The following HECW2 variants were observed in gnomAD, a reference collection of about 807,000 sequenced individuals.
The protein encoded by HECW2 is HECT, C2 and WW domain containing E3 ubiquitin protein ligase 2.
Under a neutral mutation model 175.2 loss-of-function variants are expected in HECW2, and 61 were observed. That is an observed-to-expected ratio of 0.35 (90% CI 0.28 to 0.43). The LOEUF is 0.43. HECW2 is among the 20% of genes least tolerant of loss of function. The probability of loss-of-function intolerance (pLI) is 1.00; values close to 1 mark genes in which losing one functional copy is unlikely to be tolerated. For synonymous variants in HECW2, 671 were observed against 731.0 expected (o/e 0.92, Z 1.32); for missense variants, 1,524 against 2,000.5 (o/e 0.76, Z 4.54).
chr2:196,526,395 G>T (rs926435119), intron 1 of HECW2, among the ~76,000 whole-genome samples: 1 of 146,116 alleles, frequency 6.8e-6, no homozygotes, highest in African/African-American at 2.6e-5. Context: ...TTTTTTCAAA[G>T]TTTTCAACTT....
chr2:196,264,531 T>A (rs531315461), intron 17 of HECW2, among the ~76,000 whole-genome samples: 1 of 152,230 alleles, frequency 6.6e-6, no homozygotes, highest in Non-Finnish European at 1.5e-5. Flanking sequence ...ATGTATAATT[T>A]GGGGAATCTT....
chr2:196,560,884 C>T (rs1476865885), intron 1 of HECW2, among the ~76,000 whole-genome samples: 1 of 152,186 alleles, frequency 6.6e-6, no homozygotes, highest in African/African-American at 2.4e-5. Context: ...CTGTCATCTT[C>T]GTAAGCTGAG....
At chr2:196,491,229 TG>T (rs767170132) in intron 1 of HECW2, among the ~76,000 whole-genome samples, 2 of 152,044 alleles carry the variant, frequency 1.3e-5, no homozygotes, top group African/African-American at 2.4e-5. Context: ...GCGGGTGCAG[TG>T]GCTCACACCT....
rs186046191 is a variant in HECW2 at position 196,505,309 on chromosome 2, C to A, written c.-35-71851G>T. 6.6e-5 allele frequency among the ~76,000 whole-genome samples: 10 copies of A among 152,196 alleles called. No homozygotes were observed. The South Asian group carries it at 1.9e-3, about 28-fold the overall frequency. The stretch of plus-strand genomic sequence containing the variant: ...ATCCCAGCACTTTGGGAAGCTGAGG[C>A]GGGTGGATCACCTGAGGTCAAGAGA... On this transcript the variant is annotated intron_variant, in intron 1 of 28. Transcript: ENST00000644978.
chr2:196,212,498 C>T (rs1415772075), intron 28 of HECW2, among the ~76,000 whole-genome samples: 1 of 152,128 alleles, frequency 6.6e-6, no homozygotes, highest in East Asian at 1.9e-4. Flanking sequence ...CCTCCAGCTC[C>T]ATCCAGGTTC....
chr2:196,570,921 T>C (rs10188829), intron 1 of HECW2, among the ~76,000 whole-genome samples: 5,472 of 152,278 alleles, frequency 0.036, 332 homozygotes, highest in African/African-American at 0.12. Flanking sequence ...TGTTACCTGC[T>C]TGTGCAGTGC....
intron 1 of HECW2, among the ~76,000 whole-genome samples, chr2:196,506,409 A>G (rs1406814950): frequency 6.6e-6 from 1 of 152,130 alleles, no homozygotes; most frequent in Non-Finnish European, 1.5e-5. Context: ...AACGAAACTA[A>G]TTTTACCAGC....
chr2:196,486,959 C>T (rs531331549), intron 1 of HECW2, among the ~76,000 whole-genome samples: 2 of 151,856 alleles, frequency 1.3e-5, no homozygotes, highest in African/African-American at 2.4e-5. Flanking sequence ...CATAGTGAGA[C>T]GCTGTCACTA....
At chr2:196,500,055 A>G (rs1687523696) in intron 1 of HECW2, among the ~76,000 whole-genome samples, 1 of 152,182 alleles carries the variant, frequency 6.6e-6, no homozygotes, top group South Asian at 2.1e-4. Context: ...ATTTTGTTCC[A>G]ATATCAAGCA....
intron 17 of HECW2, among the ~76,000 whole-genome samples, chr2:196,269,844 T>A (rs1026628439): frequency 2.0e-5 from 3 of 152,204 alleles, no homozygotes; most frequent in African/African-American, 7.2e-5. Flanking sequence ...CAGCCAACTG[T>A]GCCATCAGAA....
At chr2:196,298,455 G>A (rs891686920) in intron 13 of HECW2, among the ~76,000 whole-genome samples, 3 of 152,018 alleles carry the variant, frequency 2.0e-5, no homozygotes, top group African/African-American at 7.2e-5. Context: ...AGGATTACTA[G>A]GTATTACAAC....
At chr2:196,432,942 C>T (rs7586270) in intron 2 of HECW2, among the ~76,000 whole-genome samples, 190 bp downstream of exon 2, 99,068 of 151,992 alleles carry the variant, frequency 0.65, 34,224 homozygotes, top group East Asian at 0.93. Context: ...TAACCACAAA[C>T]TTCATAATAT....
chr2:196,473,525 T>C (rs1013975375), intron 1 of HECW2, among the ~76,000 whole-genome samples: 8 of 152,210 alleles, frequency 5.3e-5, no homozygotes, highest in Admixed American at 6.5e-5. Flanking sequence ...ATCCAGACCC[T>C]GAAAGTTAAA....
At chr2:196,366,694 T>C (rs1319747988) in intron 2 of HECW2, among the ~76,000 whole-genome samples, 1 of 152,218 alleles carries the variant, frequency 6.6e-6, no homozygotes, top group Admixed American at 6.5e-5. Flanking sequence ...AAGAGTATTA[T>C]ATTTTTCCTT....
At chr2:196,325,173 G>A in intron 5 of HECW2, 24 bp from the exon 6 acceptor site, 2 of 1,535,248 alleles carry the variant, frequency 1.3e-6, no homozygotes, top group Admixed American at 2.0e-5. Flanking sequence ...GGGAGAAGGA[G>A]GGAGGGACAA....
At chr2:196,316,496 G>A (rs891181401) in intron 10 of HECW2, 2 of 151,990 alleles carry the variant, frequency 1.3e-5, no homozygotes, top group African/African-American at 4.8e-5. Flanking sequence ...ACCTTCCAGT[G>A]TTTTTTTTAA....
At chr2:196,407,318 T>A (rs1327661323) in intron 2 of HECW2, among the ~76,000 whole-genome samples, 3 of 150,950 alleles carry the variant, frequency 2.0e-5, no homozygotes, top group Non-Finnish European at 4.4e-5. Flanking sequence ...GGACTAGAAG[T>A]GCATGTTACT....
intron 14 of HECW2, among the ~76,000 whole-genome samples, chr2:196,284,964 A>T (rs1690328748): frequency 6.6e-6 from 1 of 152,182 alleles, no homozygotes; most frequent in Admixed American, 6.5e-5. Flanking sequence ...AAATTCACTC[A>T]AGCTTTACAG....
intron 1 of HECW2, among the ~76,000 whole-genome samples, chr2:196,500,787 T>TC (rs1285067854): frequency 2.0e-5 from 3 of 152,150 alleles, no homozygotes. Context: ...CTACCACACC[T>TC]CCATTTCTTG....
Sources: gnomAD v4.1 joint callset for allele counts (sites outside exome capture counted in the v4.1 genomes callset) on GRCh38, gnomAD v4.1.1 for gene constraint, MANE v1.5 for transcripts, NCBI Gene and HGNC (gene_info 2026-07-23, HGNC 2026-07-21) for gene names.